PPP3CA: variants seen among roughly 807,000 people sequenced by gnomAD.
PPP3CA encodes the protein protein phosphatase 3 catalytic subunit alpha.
PPP3CA carries 14 observed loss-of-function variants against 66.5 expected under a neutral mutation model. That is an observed-to-expected ratio of 0.21 (90% CI 0.14 to 0.33). PPP3CA has a LOEUF of 0.33. Among genes scored for constraint, PPP3CA ranks in the 10% least tolerant of loss-of-function variants. PPP3CA has a pLI of 1.00. For synonymous variants in PPP3CA, 232 were observed against 226.2 expected (o/e 1.03, Z -0.23); for missense variants, 317 against 639.5 (o/e 0.50, Z 5.44).
At chr4:101,179,810 T>C (rs1424297664) in intron 2 of PPP3CA, among the ~76,000 whole-genome samples, 1 of 152,174 alleles carries the variant, frequency 6.6e-6, no homozygotes, top group Non-Finnish European at 1.5e-5. Context: ...AATGTTTTCT[T>C]ACAATTTTTC....
At chr4:101,161,760 G>T (rs1239232668) in intron 2 of PPP3CA, among the ~76,000 whole-genome samples, 1 of 152,168 alleles carries the variant, frequency 6.6e-6, no homozygotes, top group Non-Finnish European at 1.5e-5. Flanking sequence ...AGATGGAGTT[G>T]ATGTGTAAGA....
At chr4:101,304,720 T>C (rs904955267) in intron 1 of PPP3CA, among the ~76,000 whole-genome samples, 2 of 152,246 alleles carry the variant, frequency 1.3e-5, no homozygotes, top group African/African-American at 4.8e-5. Context: ...TTAAAACTTC[T>C]AGGATAGTCA....
intron 1 of PPP3CA, among the ~76,000 whole-genome samples, chr4:101,337,606 A>G (rs1042559544): frequency 2.0e-5 from 3 of 152,244 alleles, no homozygotes; most frequent in Admixed American, 6.5e-5. Flanking sequence ...CTTAGTCTTC[A>G]ACTCTTTGAA....
intron 2 of PPP3CA, among the ~76,000 whole-genome samples, chr4:101,185,076 T>C (rs1244116862): frequency 6.6e-6 from 1 of 152,066 alleles, no homozygotes; most frequent in East Asian, 1.9e-4. Flanking sequence ...CTTGGTCCTA[T>C]GCTAAAGTCA....
chr4:101,090,013 T>A (rs1452151002), intron 6 of PPP3CA, among the ~76,000 whole-genome samples: 1 of 152,156 alleles, frequency 6.6e-6, no homozygotes, highest in Non-Finnish European at 1.5e-5. Context: ...AAATGTTAAA[T>A]AAAACTGAGA....
chr4:101,292,924 A>G (rs949512093), intron 1 of PPP3CA, among the ~76,000 whole-genome samples: 1 of 152,188 alleles, frequency 6.6e-6, no homozygotes, highest in Non-Finnish European at 1.5e-5. Context: ...AATGTAAATT[A>G]TTTTCTATTT....
intron 2 of PPP3CA, among the ~76,000 whole-genome samples, chr4:101,182,972 T>C (rs1264445088): frequency 2.0e-5 from 3 of 152,310 alleles, no homozygotes; most frequent in South Asian, 2.1e-4. Flanking sequence ...CATGTGGAAC[T>C]GTAAGTCCAT....
chr4:101,115,414 A>G (rs1345993769), intron 2 of PPP3CA, among the ~76,000 whole-genome samples: 1 of 151,984 alleles, frequency 6.6e-6, no homozygotes, highest in Non-Finnish European at 1.5e-5. Flanking sequence ...GAGAAGGGAT[A>G]GGTGTTCAAA....
At chr4:101,029,123 T>C (rs1163648664) in intron 13 of PPP3CA, 43 bp downstream of exon 13, 1 of 1,533,468 alleles carries the variant, frequency 6.5e-7, no homozygotes. Context: ...AGCAGAGCCC[T>C]TATCTGTTGC....
At chr4:101,235,752 T>A (rs925204733) in intron 1 of PPP3CA, among the ~76,000 whole-genome samples, 1 of 151,888 alleles carries the variant, frequency 6.6e-6, no homozygotes, top group Non-Finnish European at 1.5e-5. Flanking sequence ...AGTTACTTCA[T>A]GTGTAGCTTC....
chr4:101,212,756 C>T (rs1725336803), intron 1 of PPP3CA, among the ~76,000 whole-genome samples: 1 of 150,532 alleles, frequency 6.6e-6, no homozygotes, highest in South Asian at 2.1e-4. Flanking sequence ...CTCAAAGCAG[C>T]AATTAAACTA....
Position 101,032,508 on chromosome 4 carries a change from A to AACAT in PPP3CA, c.1242-148_1242-145dup, listed in dbSNP as rs563830365. ...CGGATCTTTTTTTAAAATTTTTTTT[A>AACAT]ACATACTTTATTTTAATTTATTTAT... On this transcript the variant is annotated intron_variant, in intron 11 of 13. Coordinates refer to ENST00000394854, the MANE Select transcript of PPP3CA (RefSeq NM_000944.5). The AACAT allele has an allele frequency of 6.8e-4, 440 of 651,784 alleles. 6 individuals carry two copies. The Admixed American group carries it at 0.012, about 17-fold the overall frequency. The allele number at this position is 651,784 out of a possible 1,614,324, so 40.4% of individuals were successfully genotyped here.
Position 101,106,405 on chromosome 4 carries a change from GA to G in PPP3CA, c.384+2548del, listed in dbSNP as rs1338107165. ...AGAAAGAAAGAAAGAAAGAAAGAAA[GA>G]AAGAAAGAAAGAAAGAAAGAAAGAA... On this transcript the variant is annotated intron_variant, in intron 3 of 13. Transcript: ENST00000394854. 2.6e-4 allele frequency among the ~76,000 whole-genome samples: 2 copies of G among 7,666 alleles called. 1 individual carries two copies. The highest frequency in any genetic ancestry group is 7.6e-4 in the African/African-American group (2 of 2,640). 5.0% of individuals were successfully genotyped at this position (7,666 alleles called of 152,430 possible).
intron 1 of PPP3CA, among the ~76,000 whole-genome samples, chr4:101,251,611 A>G (rs1726679547): frequency 6.6e-6 from 1 of 152,190 alleles, no homozygotes; most frequent in African/African-American, 2.4e-5. Flanking sequence ...CTTTTCCTGA[A>G]TAACAGAAAA....
At chr4:101,302,709 C>A (rs1411740591) in intron 1 of PPP3CA, among the ~76,000 whole-genome samples, 2 of 152,086 alleles carry the variant, frequency 1.3e-5, no homozygotes, top group African/African-American at 4.8e-5. Context: ...ATCTAAAAAA[C>A]CAGTTAATTT....
intron 13 of PPP3CA, 63 bp from the exon 14 acceptor site, chr4:101,026,124 C>G (rs1726637269): frequency 7.2e-7 from 1 of 1,381,922 alleles, no homozygotes; most frequent in African/African-American, 1.5e-5. Flanking sequence ...AAGGGCACAG[C>G]TGTTGCAGCA....
At chr4:101,081,242 T>TA (rs1161726785) in intron 7 of PPP3CA, among the ~76,000 whole-genome samples, 11 of 152,158 alleles carry the variant, frequency 7.2e-5, no homozygotes, top group Non-Finnish European at 1.6e-4. Flanking sequence ...TAATTTTCTT[T>TA]AAAAAGAATG....
At position 101,346,867 on chromosome 4, in the gene PPP3CA, C is replaced by T; in HGVS notation, c.-71G>A. 1 of 1,546,384 alleles carries T rather than the reference C, an allele frequency of 6.5e-7. No homozygotes were observed. Among genetic ancestry groups the T allele is most frequent in the Non-Finnish European group, 8.7e-7 (1 of 1,143,376 alleles). On this transcript the variant is annotated 5_prime_UTR_variant, in exon 1 of 14. Transcript: ENST00000394854. ...GCACACCCCGACCGGACCGGCGGGC[C>T]AGACACTCAACGCCGCCGCCGCCGC... is the stretch of plus-strand genomic sequence containing the variant.
chr4:101,175,450 T>C lies in PPP3CA; in HGVS notation c.259+20466A>G, dbSNP rs17030878. ...GTTGAAGTGATTTGCTCCAAGATTATTCCAGCTGGTCAGTGGCAGGTCCAC... is the reference window on the plus strand; with the variant it reads ...GTTGAAGTGATTTGCTCCAAGATTACTCCAGCTGGTCAGTGGCAGGTCCAC... On this transcript the variant is annotated intron_variant, in intron 2 of 13. Coordinates refer to ENST00000394854, the MANE Select transcript of PPP3CA (RefSeq NM_000944.5). 8.2e-3 allele frequency among the ~76,000 whole-genome samples: 1,251 copies of C among 152,270 alleles called. 17 individuals are homozygous for C. Among genetic ancestry groups the C allele is most frequent in the African/African-American group, 0.029 (1,202 of 41,552 alleles).
Sources: gnomAD v4.1 joint callset for allele counts (sites outside exome capture counted in the v4.1 genomes callset) on GRCh38, gnomAD v4.1.1 for gene constraint, MANE v1.5 for transcripts, NCBI Gene and HGNC (gene_info 2026-07-23, HGNC 2026-07-21) for gene names.